Variants in C6orf132 observed in about 807,000 individuals in gnomAD.
C6orf132 encodes uncharacterized protein C6orf132.
A neutral mutation model predicts 65.3 loss-of-function variants in C6orf132; 43 were observed. The observed-to-expected ratio is 0.66, with a 90% confidence interval of 0.52 to 0.85. C6orf132 has a LOEUF of 0.85. Among genes scored for constraint, C6orf132 ranks in the 40% least tolerant of loss-of-function variants. The probability of loss-of-function intolerance (pLI) is 0.00; values close to 1 mark genes in which losing one functional copy is unlikely to be tolerated. For missense variants in C6orf132, 1,488 were observed against 1,548.8 expected, an observed-to-expected ratio of 0.96 and a Z score of 0.66; for synonymous variants, 631 against 654.1, an observed-to-expected ratio of 0.96 and a Z score of 0.54.
rs1416129874 is a variant in C6orf132, at chr6:42,107,000, C to T, written c.912G>A (p.Val304=). The change falls in exon 4 of 5, where the codon GTG becomes GTA. Residue 304 remains valine (V), a synonymous_variant. Transcript: ENST00000341865. The stretch of plus-strand genomic sequence containing the variant: ...AAGTCCTGACTGGGGTTGGGGGAGG[C>T]ACTTTGAAAGAACGGGGGAAGGTGA... ...PHLTFPRSFK[V]PPPTPVRTSS... 1.3e-6 allele frequency: 2 copies of T among 1,532,780 alleles called. No individual in the cohort carries two copies. The highest frequency in any genetic ancestry group is 1.2e-5 in the South Asian group (1 of 83,850). The allele number at this position is 1,532,780 out of a possible 1,614,324, so 94.9% of individuals were successfully genotyped here.
intron 2 of C6orf132, among the ~76,000 whole-genome samples, chr6:42,117,923 C>CAAACAAAAA (rs1766606678): frequency 1.6e-5 from 1 of 62,320 alleles, no homozygotes; most frequent in African/African-American, 6.0e-5. Flanking sequence ...AACCCTGTCA[C>CAAACAAAAA]AAAAAAAAAA....
At chr6:42,122,445 G>A (rs1370552712) in intron 2 of C6orf132, among the ~76,000 whole-genome samples, 1 of 152,228 alleles carries the variant, frequency 6.6e-6, no homozygotes, top group African/African-American at 2.4e-5. Flanking sequence ...TATGGGCCAG[G>A]ATGAAGGATG....
intron 1 of C6orf132, among the ~76,000 whole-genome samples, chr6:42,131,884 A>G (rs568078287): frequency 1.3e-5 from 2 of 152,358 alleles, no homozygotes; most frequent in East Asian, 3.9e-4. Flanking sequence ...TGGAAGGCCC[A>G]GGTGGCTCCT....
rs1224570908 is a variant in C6orf132, at chr6:42,137,816, CG to C, written c.145+4483del. 7.7e-4 allele frequency among the ~76,000 whole-genome samples: 34 copies of C among 43,986 alleles called. No individual in the cohort carries two copies. In the South Asian group the frequency reaches 0.041, roughly 53 times the overall value. 28.9% of individuals were successfully genotyped at this position (43,986 alleles called of 152,430 possible). A position where few individuals can be genotyped will look rare whatever the true frequency, so the allele number is the denominator to read the frequency against. On this transcript the variant is annotated intron_variant, in intron 1 of 4. Coordinates refer to ENST00000341865, the MANE Select transcript of C6orf132 (RefSeq NM_001164446.3). ...GCACTTTGGGAGGCCGAGGCAGGGG[CG>C]GGGGCGGGGCGGGGCGGGGCGGGGC... is the stretch of plus-strand genomic sequence containing the variant.
In C6orf132 at chr6:42,107,469, G is replaced by T; in HGVS notation, c.443C>A (p.Pro148Gln). 6.5e-7 allele frequency: 1 copy of T among 1,545,708 alleles called. No homozygotes were observed. The highest frequency in any genetic ancestry group is 8.7e-7 in the Non-Finnish European group (1 of 1,144,500). The stretch of plus-strand genomic sequence containing the variant: ...TTCTGAAATGTCCTGAGGGGGCCCT[G>T]GGGCTGGGCCTGGGGGAGGTGGGGG... ...LIPPPPPGPA[P>Q]GPPQDISEPP... The change falls in exon 4 of 5, where the codon CCA becomes CAA. Residue 148 changes from proline (P) to glutamine (Q), a missense_variant. By Grantham distance (76) the Pro-to-Gln change is moderately conservative (BLOSUM62 -1). Transcript: ENST00000341865.
At chr6:42,128,804 C>T in intron 1 of C6orf132, 26 bp from the exon 2 acceptor site, 1 of 1,517,612 alleles carries the variant, frequency 6.6e-7, no homozygotes, top group Non-Finnish European at 9.0e-7. Context: ...GAGGGGACAC[C>T]ATAAGCTGGA....
At chr6:42,123,466 AAGAAGG>A (rs1323362375) in intron 2 of C6orf132, among the ~76,000 whole-genome samples, 3 of 116,648 alleles carry the variant, frequency 2.6e-5, no homozygotes, top group African/African-American at 3.0e-5. Flanking sequence ...GGAGAAGGAG[AAGAAGG>A]AGAAGGAGAA....
At chr6:42,119,146 G>A (rs2127476189) in intron 2 of C6orf132, among the ~76,000 whole-genome samples, 1 of 146,906 alleles carries the variant, frequency 6.8e-6, no homozygotes, top group East Asian at 2.1e-4. Flanking sequence ...GGGAGGCTGA[G>A]GCAGGAGAAT....
chr6:42,136,326 T>C (rs1766941175), intron 1 of C6orf132, among the ~76,000 whole-genome samples: 2 of 152,038 alleles, frequency 1.3e-5, no homozygotes, highest in South Asian at 2.1e-4. Flanking sequence ...CCTCCCAAAA[T>C]CAGGAGAGGG....
rs1766279376 is a variant in C6orf132 at position 42,101,405 on chromosome 6, C to T, written c.*2356G>A. On this transcript the variant is annotated 3_prime_UTR_variant, in exon 5 of 5. Transcript: ENST00000341865. ...TGTTTTTGTGTGCTTTTTCAATCCT[C>T]TTCCACCAGACAGACTATTAGCTTG... is the stretch of plus-strand genomic sequence containing the variant. 6.6e-6 allele frequency: 1 copy of T among 152,288 alleles called. No individual in the cohort carries two copies. Among genetic ancestry groups the T allele is most frequent in the South Asian group, 2.1e-4 (1 of 4,836 alleles). The allele number at this position is 152,288 out of a possible 1,614,324, so 9.4% of individuals were successfully genotyped here.
rs1162338859 is a variant in C6orf132, at chr6:42,142,325, G to T, written c.120C>A (p.Ala40=). The T allele has an allele frequency of 6.4e-7, 1 of 1,551,194 alleles. No homozygotes were observed. Among genetic ancestry groups the T allele is most frequent in the Non-Finnish European group, 8.7e-7 (1 of 1,146,808 alleles). Residue 40 remains alanine, a synonymous_variant, in exon 1 of 5, where the codon GCC becomes GCA. Coordinates refer to ENST00000341865, the MANE Select transcript of C6orf132 (RefSeq NM_001164446.3). ...CGAAGCCCCCGGTCCCCTCCTCCGG[G>T]GCCTCCTGGGTGAAGATCCAGGGCG... ...TNPPWIFTQE[A]PEEGTGGFDG...
At chr6:42,120,183 G>A (rs1238697692) in intron 2 of C6orf132, among the ~76,000 whole-genome samples, 1 of 151,790 alleles carries the variant, frequency 6.6e-6, no homozygotes, top group African/African-American at 2.4e-5. Flanking sequence ...AAGCATGGGT[G>A]GAGGAAACTA....
intron 1 of C6orf132, among the ~76,000 whole-genome samples, chr6:42,140,285 C>T: frequency 6.6e-6 from 1 of 152,264 alleles, no homozygotes; most frequent in East Asian, 1.9e-4. Context: ...TCTTCCCTCA[C>T]CAGAGGTGCT....
In C6orf132 at chr6:42,121,722, C is replaced by G. The variant is rs539108749; in HGVS notation, c.252+6950G>C. On this transcript the variant is annotated intron_variant, in intron 2 of 4. Transcript: ENST00000341865. ...CTTCCTCACCAGACTCCTCCTGGAGCCTGGTCTGGGGCACTGGCCCTGTGG... is the reference window on the plus strand; with the variant it reads ...CTTCCTCACCAGACTCCTCCTGGAGGCTGGTCTGGGGCACTGGCCCTGTGG... Among the ~76,000 whole-genome samples, 3 of 152,344 alleles carry G rather than the reference C, an allele frequency of 2.0e-5. No homozygotes were observed. In the South Asian group the frequency reaches 6.2e-4, roughly 32 times the overall value.
intron 2 of C6orf132, among the ~76,000 whole-genome samples, chr6:42,119,341 C>CCT (rs1554182411): frequency 1.3e-5 from 1 of 78,214 alleles, no homozygotes; most frequent in Non-Finnish European, 2.3e-5. Context: ...AGCTTTCCAG[C>CCT]TTTTTTTTTT....
chr6:42,134,856 G>A (rs1171114141), intron 1 of C6orf132, among the ~76,000 whole-genome samples: 2 of 151,760 alleles, frequency 1.3e-5, no homozygotes, highest in East Asian at 1.9e-4. Flanking sequence ...GCCAGGCGTG[G>A]TGGTGGGCGC....
Position 42,103,891 on chromosome 6 carries a change from A to C in C6orf132, c.3450-13T>G, listed in dbSNP as rs1360611945. The C allele has an allele frequency of 2.1e-6, 3 of 1,407,604 alleles. No homozygotes were observed. The highest frequency in any genetic ancestry group is 2.8e-6 in the Non-Finnish European group (3 of 1,078,382). 87.2% of individuals were successfully genotyped at this position (1,407,604 alleles called of 1,614,324 possible). On this transcript the variant is annotated splice_polypyrimidine_tract_variant and intron_variant, in intron 4 of 4. Transcript: ENST00000341865. ...GGTGTAGGGAGACCTGGGGGAGAGC[A>C]AGAGATGTGAGGTGAATATCTGCAG...
intron 2 of C6orf132, among the ~76,000 whole-genome samples, chr6:42,125,811 C>T (rs1766755344): frequency 1.3e-5 from 2 of 151,840 alleles, no homozygotes; most frequent in Admixed American, 6.6e-5. Context: ...TATGCAGCCC[C>T]TGAGTCATGT....
At chr6:42,108,597 G>A (rs1378811809) in intron 3 of C6orf132, among the ~76,000 whole-genome samples, 1 of 152,184 alleles carries the variant, frequency 6.6e-6, no homozygotes, top group Admixed American at 6.6e-5. Context: ...GAACCCAGCT[G>A]TCCACTTCAT....
Sources: allele counts gnomAD v4.1 joint callset (sites outside exome capture counted in the v4.1 genomes callset), GRCh38; gene constraint gnomAD v4.1.1; transcripts MANE v1.5; gene names NCBI Gene and HGNC (gene_info 2026-07-23, HGNC 2026-07-21).